Variants in MALRD1 observed in about 807,000 individuals in gnomAD.
MALRD1 encodes the protein MAM and LDL receptor class A domain containing 1.
A neutral mutation model predicts 242.1 loss-of-function variants in MALRD1; 247 were observed. That is an observed-to-expected ratio of 1.02 (90% CI 0.92 to 1.13). The LOEUF (loss-of-function observed/expected upper bound fraction) is 1.13. Ranked by LOEUF, MALRD1 falls within the 50% of genes most tolerant of loss-of-function variation. MALRD1 has a pLI of 0.00. For missense variants in MALRD1, 2,989 were observed against 2,533.1 expected, an observed-to-expected ratio of 1.18 and a Z score of -3.86; for synonymous variants, 995 against 866.6, an observed-to-expected ratio of 1.15 and a Z score of -2.60.
chr10:19,587,887 G>C (rs540461401), intron 33 of MALRD1, among the ~76,000 whole-genome samples: 11 of 149,000 alleles, frequency 7.4e-5, no homozygotes, highest in African/African-American at 2.2e-4. Context: ...CGAAATGCCA[G>C]TTCCTAAATT....
At chr10:19,413,338 G>C (rs1286007909) in intron 28 of MALRD1, among the ~76,000 whole-genome samples, 1 of 151,982 alleles carries the variant, frequency 6.6e-6, no homozygotes, top group African/African-American at 2.4e-5. Context: ...TTAGGTCTGA[G>C]ATATTGGTAG....
intron 29 of MALRD1, among the ~76,000 whole-genome samples, chr10:19,469,181 A>G (rs1392055006): frequency 6.6e-6 from 1 of 152,120 alleles, no homozygotes; most frequent in Non-Finnish European, 1.5e-5. Flanking sequence ...ATAAAAGAGT[A>G]TTTTTAATAT....
chr10:19,357,076 C>T (rs1424072629), intron 26 of MALRD1, among the ~76,000 whole-genome samples: 1 of 150,840 alleles, frequency 6.6e-6, no homozygotes, highest in Non-Finnish European at 1.5e-5. Flanking sequence ...TGCCACTGCA[C>T]TCCAGCCTGG....
chr10:19,101,671 A>G (rs1208125387), intron 4 of MALRD1, among the ~76,000 whole-genome samples: 1 of 135,844 alleles, frequency 7.4e-6, no homozygotes, highest in Non-Finnish European at 1.5e-5. Context: ...ACATCTATGT[A>G]TATAAGATAT....
intron 19 of MALRD1, among the ~76,000 whole-genome samples, chr10:19,263,456 A>C (rs1839841681): frequency 6.6e-6 from 1 of 151,004 alleles, no homozygotes; most frequent in African/African-American, 2.4e-5. Context: ...ATGTCTATTC[A>C]GGTATTTTGC....
At chr10:19,063,347 T>G (rs1442091959) in intron 1 of MALRD1, among the ~76,000 whole-genome samples, 1 of 152,112 alleles carries the variant, frequency 6.6e-6, no homozygotes, top group Non-Finnish European at 1.5e-5. Flanking sequence ...TTTTCATAAT[T>G]CTTACATTGT....
At chr10:19,101,939 TA>T (rs1473424630) in intron 4 of MALRD1, among the ~76,000 whole-genome samples, 1 of 137,910 alleles carries the variant, frequency 7.3e-6, no homozygotes, top group African/African-American at 2.6e-5. Context: ...GTAGTTTGAT[TA>T]AAAATATCTG....
chr10:19,719,229 T>TATATATATATATATACACATACATAC (rs1834607083), intron 38 of MALRD1, among the ~76,000 whole-genome samples: 1 of 22,732 alleles, frequency 4.4e-5, no homozygotes, highest in Non-Finnish European at 7.9e-5. Context: ...CATACATATA[T>TATATATATATATATACACATACATAC]ATATATATAT....
chr10:19,127,588 C>G (rs1564409511), intron 7 of MALRD1, among the ~76,000 whole-genome samples: 1 of 152,096 alleles, frequency 6.6e-6, no homozygotes, highest in Non-Finnish European at 1.5e-5. Flanking sequence ...TTATAGAAAT[C>G]TCTTTATAAA....
At chr10:19,286,552 A>G (rs955953338) in intron 21 of MALRD1, among the ~76,000 whole-genome samples, 1 of 152,158 alleles carries the variant, frequency 6.6e-6, no homozygotes, top group African/African-American at 2.4e-5. Context: ...TGCTACACAA[A>G]TAAACTAGAA....
At chr10:19,469,842 T>G (rs1404549484) in intron 29 of MALRD1, among the ~76,000 whole-genome samples, 1 of 152,072 alleles carries the variant, frequency 6.6e-6, no homozygotes, top group Non-Finnish European at 1.5e-5. Flanking sequence ...TACAACTCAA[T>G]GTGTTTGGGG....
chr10:19,399,579 CAG>C (rs1846739295), intron 28 of MALRD1, among the ~76,000 whole-genome samples: 1 of 152,092 alleles, frequency 6.6e-6, no homozygotes, highest in Admixed American at 6.6e-5. Flanking sequence ...TTACAGATTA[CAG>C]AGTTGGAGTA....
intron 31 of MALRD1, among the ~76,000 whole-genome samples, chr10:19,500,418 G>T (rs572164797): frequency 6.6e-6 from 1 of 152,158 alleles, no homozygotes; most frequent in Admixed American, 6.5e-5. Context: ...ATACAGTATG[G>T]TGCTGGCATA....
intron 29 of MALRD1, among the ~76,000 whole-genome samples, chr10:19,463,452 T>C (rs1442634473): frequency 1.3e-5 from 2 of 152,070 alleles, no homozygotes; most frequent in Non-Finnish European, 2.9e-5. Flanking sequence ...GATGTTTGGT[T>C]TCCATTCCCA....
At chr10:19,213,578 C>T (rs1837167714) in intron 18 of MALRD1, among the ~76,000 whole-genome samples, 1 of 152,160 alleles carries the variant, frequency 6.6e-6, no homozygotes, top group African/African-American at 2.4e-5. Context: ...ATATAGAATA[C>T]TGTTTCAATA....
intron 2 of MALRD1, among the ~76,000 whole-genome samples, chr10:19,076,929 T>A (rs1835337770): frequency 1.3e-5 from 2 of 151,974 alleles, no homozygotes. Flanking sequence ...CTATCATGCA[T>A]CATGTCTTTC....
At chr10:19,294,979 G>C (rs1179421262) in intron 21 of MALRD1, among the ~76,000 whole-genome samples, 5 of 151,844 alleles carry the variant, frequency 3.3e-5, no homozygotes, top group Admixed American at 6.6e-5. Flanking sequence ...AATTTTGTTT[G>C]CAATCTGTAA....
Position 19,306,605 on chromosome 10 carries a change from G to A in MALRD1, c.3420-17344G>A, listed in dbSNP as rs527713028. On this transcript the variant is annotated intron_variant, in intron 21 of 39. Transcript: ENST00000454679. Reference sequence around the variant, plus strand: ...ATATACTGTATATATACTTAATTGTGTATATATATATGTACTTAAATGAAG... The same window carrying A: ...ATATACTGTATATATACTTAATTGTATATATATATATGTACTTAAATGAAG... 8.7e-5 allele frequency among the ~76,000 whole-genome samples: 13 copies of A among 149,186 alleles called. 1 individual carries two copies. The South Asian group carries it at 2.7e-3, about 31-fold the overall frequency.
intron 21 of MALRD1, among the ~76,000 whole-genome samples, chr10:19,304,281 C>T (rs12220156): frequency 0.13 from 19,802 of 151,478 alleles, 1,325 homozygotes; most frequent in Non-Finnish European, 0.14. Flanking sequence ...CGTGGAACTT[C>T]TCAGCCTCCA....
Sources: allele counts gnomAD v4.1 joint callset (sites outside exome capture counted in the v4.1 genomes callset), GRCh38; gene constraint gnomAD v4.1.1; transcripts MANE v1.5; gene names NCBI Gene and HGNC (gene_info 2026-07-23, HGNC 2026-07-21).